The following C6 variants were observed in gnomAD, a reference collection of about 807,000 sequenced individuals.
C6 encodes the protein complement component C6.
In C6, 101 loss-of-function variants were observed where a neutral mutation model predicts 112.9. The observed-to-expected ratio is 0.89, with a 90% confidence interval of 0.76 to 1.06. The LOEUF is 1.06. Ranked by LOEUF, C6 falls within the 50% of genes least tolerant of loss-of-function variation. C6 has a pLI of 0.00. For synonymous variants in C6, 431 were observed against 384.1 expected (o/e 1.12, Z -1.43); for missense variants, 1,202 against 1,104.6 (o/e 1.09, Z -1.25).
intron 1 of C6, among the ~76,000 whole-genome samples, chr5:41,250,987 T>A (rs7711087): frequency 6.6e-6 from 1 of 152,110 alleles, no homozygotes; most frequent in Non-Finnish European, 1.5e-5. Flanking sequence ...GTCAATCGTT[T>A]GATCAGATTA....
At chr5:41,146,853 CTG>C (rs1200445945) in intron 17 of C6, among the ~76,000 whole-genome samples, 1 of 150,672 alleles carries the variant, frequency 6.6e-6, no homozygotes, top group Non-Finnish European at 1.5e-5. Context: ...AAATTGTAAA[CTG>C]TTATTTTTCA....
intron 6 of C6, among the ~76,000 whole-genome samples, chr5:41,183,314 A>G (rs533982242): frequency 2.2e-4 from 33 of 152,308 alleles, no homozygotes; most frequent in African/African-American, 7.9e-4. Flanking sequence ...TAATGTGTTT[A>G]CCTGTGAGAT....
intron 17 of C6, among the ~76,000 whole-genome samples, chr5:41,146,543 C>G (rs1745844901): frequency 6.6e-6 from 1 of 152,126 alleles, no homozygotes; most frequent in Non-Finnish European, 1.5e-5. Context: ...AAACAGAACC[C>G]TCTGTGACAT....
intron 1 of C6, among the ~76,000 whole-genome samples, chr5:41,236,855 G>T (rs1740346080): frequency 7.5e-6 from 1 of 132,698 alleles, no homozygotes; most frequent in South Asian, 2.6e-4. Context: ...AAAAAAGAGA[G>T]AAGAATCAAA....
chr5:41,234,352 T>G (rs1385314120), intron 1 of C6, among the ~76,000 whole-genome samples: 5 of 139,768 alleles, frequency 3.6e-5, no homozygotes, highest in African/African-American at 1.6e-4. Flanking sequence ...TTTTTTTTGT[T>G]TTTTGTTTTT....
intron 2 of C6, 37 bp from the exon 3 acceptor site, chr5:41,201,751 T>C: frequency 6.6e-7 from 1 of 1,515,218 alleles, no homozygotes; most frequent in Admixed American, 1.7e-5. Context: ...AGAATGAGTG[T>C]ATTCACCATA....
In C6 at chr5:41,161,817, C is replaced by T. The variant is rs141885438; in HGVS notation, c.1334G>A (p.Arg445Gln). The change falls in exon 10 of 18, where the codon CGA (arginine) becomes CAA (glutamine). Residue 445 changes from arginine (R) to glutamine (Q), a missense_variant. Transcript: ENST00000337836. Reference sequence around the variant, plus strand: ...TGCTCCATATTCACTCCTTCCACCTCGAATCAGGGATATGGATTTCTCTGC... The same window carrying T: ...TGCTCCATATTCACTCCTTCCACCTTGAATCAGGGATATGGATTTCTCTGC... ...QGAEKSISLI[R>Q]GGRSEYGAAL... 176 of 1,613,600 alleles carry T rather than the reference C, an allele frequency of 1.1e-4. No homozygotes were observed. In the East Asian group the frequency reaches 3.6e-3, roughly 33 times the overall value.
rs148843643 is a variant in C6, at chr5:41,160,231, G to T, written c.1595C>A (p.Pro532His). 5.6e-6 allele frequency: 9 copies of T among 1,613,726 alleles called. No individual in the cohort carries two copies. The highest frequency in any genetic ancestry group is 5.3e-5 in the African/African-American group (4 of 74,874). ...CAGACATTCAGTCCCTGAGAGGGTG[G>T]GTCGGCCATTATTAGGGCATGGAGC... is the stretch of plus-strand genomic sequence containing the variant. ...QCAPCPNNGR[P>H]TLSGTECLCV... Residue 532 changes from proline to histidine, a missense_variant, in exon 11 of 18, where the codon CCC becomes CAC. By Grantham distance (77) the Pro-to-His change is moderately conservative. Transcript: ENST00000337836.
chr5:41,203,418 C>T (rs1482361042), intron 1 of C6, among the ~76,000 whole-genome samples, 168 bp from the exon 2 acceptor site: 2 of 152,126 alleles, frequency 1.3e-5, no homozygotes, highest in Non-Finnish European at 2.9e-5. Context: ...AGTACAAATC[C>T]TATTTTTAAA....
At chr5:41,185,488 G>A (rs1431909101) in intron 6 of C6, among the ~76,000 whole-genome samples, 2 of 152,266 alleles carry the variant, frequency 1.3e-5, no homozygotes, top group African/African-American at 2.4e-5. Context: ...TTAGTGCAAC[G>A]AGTATGGAGC....
chr5:41,214,013 T>C (rs1752094686), upstream of C6, among the ~76,000 whole-genome samples: 1 of 152,162 alleles, frequency 6.6e-6, no homozygotes, highest in Admixed American at 6.6e-5. Flanking sequence ...AATGATCAAA[T>C]GGGCTCTTTA....
intron 15 of C6, among the ~76,000 whole-genome samples, chr5:41,150,852 A>AC (rs34782674): frequency 0.33 from 49,773 of 149,862 alleles, 8,545 homozygotes; most frequent in African/African-American, 0.4. Flanking sequence ...GTGCCACTGC[A>AC]CCCAGCCTGG....
At chr5:41,169,488 G>A (rs1236480945) in intron 9 of C6, among the ~76,000 whole-genome samples, 1 of 152,082 alleles carries the variant, frequency 6.6e-6, no homozygotes, top group Non-Finnish European at 1.5e-5. Flanking sequence ...AGAAGAAATA[G>A]GAATTTGAGA....
intron 9 of C6, among the ~76,000 whole-genome samples, chr5:41,163,462 G>A (rs995762642): frequency 3.3e-5 from 5 of 152,058 alleles, no homozygotes; most frequent in Middle Eastern, 3.4e-3. Flanking sequence ...ACAGGCATGC[G>A]TCACCAGGCC....
chr5:41,158,440 C>A (rs1456349715), intron 13 of C6, among the ~76,000 whole-genome samples: 1 of 152,170 alleles, frequency 6.6e-6, no homozygotes, highest in Non-Finnish European at 1.5e-5. Context: ...AGTTCTATTA[C>A]CTTTCCAAGA....
At chr5:41,223,717 C>T (rs1739315371) in intron 1 of C6, among the ~76,000 whole-genome samples, 1 of 152,020 alleles carries the variant, frequency 6.6e-6, no homozygotes, top group Non-Finnish European at 1.5e-5. Flanking sequence ...TACTTTTAAA[C>T]CAAGTATAGT....
At chr5:41,187,109 A>G (rs1424909326) in intron 5 of C6, among the ~76,000 whole-genome samples, 2 of 152,328 alleles carry the variant, frequency 1.3e-5, no homozygotes, top group East Asian at 3.9e-4. Flanking sequence ...ACATTTGACC[A>G]AATAACCTTG....
intron 1 of C6, among the ~76,000 whole-genome samples, chr5:41,243,078 G>C (rs1740824903): frequency 6.6e-6 from 1 of 152,030 alleles, no homozygotes; most frequent in African/African-American, 2.4e-5. Flanking sequence ...GAGTTCTATT[G>C]TACAGCTTGG....
intron 10 of C6, 69 bp from the exon 11 acceptor site, chr5:41,160,436 G>T: frequency 8.3e-7 from 1 of 1,205,826 alleles, no homozygotes; most frequent in Non-Finnish European, 1.2e-6. Context: ...TTACTGCCCA[G>T]TTCTCTGAAA....
Sources: gnomAD v4.1 joint callset for allele counts (sites outside exome capture counted in the v4.1 genomes callset) on GRCh38, gnomAD v4.1.1 for gene constraint, MANE v1.5 for transcripts, NCBI Gene and HGNC (gene_info 2026-07-23, HGNC 2026-07-21) for gene names.